PDE1C: variants seen among roughly 807,000 people sequenced by gnomAD.
The protein encoded by PDE1C is dual specificity calcium/calmodulin-dependent 3',5'-cyclic nucleotide phosphodiesterase 1C.
Under a neutral mutation model 93.1 loss-of-function variants are expected in PDE1C, and 62 were observed. That is an observed-to-expected ratio of 0.67 (90% confidence interval 0.54 to 0.82). The LOEUF is 0.82. PDE1C is among the 40% of genes least tolerant of loss of function. The pLI, the probability that PDE1C is intolerant of heterozygous loss-of-function variation, is 0.00. For synonymous variants in PDE1C, 325 were observed against 310.1 expected (o/e 1.05, Z -0.50); for missense variants, 742 against 884.6 (o/e 0.84, Z 2.04).
At chr7:32,255,229 G>A (rs1469130148) in intron 1 of PDE1C, among the ~76,000 whole-genome samples, 1 of 152,136 alleles carries the variant, frequency 6.6e-6, no homozygotes. Context: ...TCTCAGATGG[G>A]AGACACCAAG....
At chr7:31,625,817 GTCTT>G in the PDE1C span, among the ~76,000 whole-genome samples, 18 of 128,796 alleles carry the variant, frequency 1.4e-4, no homozygotes, top group African/African-American at 4.5e-4. Context: ...TCCTTAGAAT[GTCTT>G]TTTTTTTAAA....
chr7:32,012,747 A>G (rs1173979803), intron 2 of PDE1C, among the ~76,000 whole-genome samples: 1 of 152,168 alleles, frequency 6.6e-6, no homozygotes, highest in Admixed American at 6.5e-5. Flanking sequence ...AATATGTGCT[A>G]TTTATTGTAT....
the PDE1C span, among the ~76,000 whole-genome samples, chr7:31,719,540 T>C: frequency 5.9e-5 from 9 of 152,232 alleles, no homozygotes; most frequent in African/African-American, 1.4e-4. Flanking sequence ...TATAATTTAT[T>C]GGTGCAATGT....
chr7:31,823,271 C>G, intron 13 of PDE1C, 23 bp from the exon 14 acceptor site: 1 of 1,594,860 alleles, frequency 6.3e-7, no homozygotes, highest in Non-Finnish European at 8.5e-7. Context: ...AAAATCATAC[C>G]AAAGAAGAGA....
At chr7:31,778,731 A>G (rs1783183314) in intron 16 of PDE1C, among the ~76,000 whole-genome samples, 1 of 152,204 alleles carries the variant, frequency 6.6e-6, no homozygotes, top group Non-Finnish European at 1.5e-5. Flanking sequence ...CTGGTGCCAT[A>G]TTACGTAGGC....
At position 31,971,657 on chromosome 7, in the gene PDE1C, A is replaced by G. The variant is rs78601595; in HGVS notation, c.128+79897T>C. Among the ~76,000 whole-genome samples, 377 of 152,330 alleles carry G rather than the reference A, an allele frequency of 2.5e-3. 7 individuals are homozygous for G. Among genetic ancestry groups the G allele is most frequent in the East Asian group, 0.021 (109 of 5,170 alleles). ...GGCTTCCTCCTAAAGAGGCATTGCC[A>G]GAGCTTCCTCATAGGCAGGCTTCTG... On this transcript the variant is annotated intron_variant, in intron 2 of 17. Coordinates refer to ENST00000396191, the MANE Select transcript of PDE1C (RefSeq NM_001191057.4).
the PDE1C span, among the ~76,000 whole-genome samples, chr7:31,654,642 A>G: frequency 2.0e-5 from 3 of 152,060 alleles, no homozygotes; most frequent in Non-Finnish European, 4.4e-5. Flanking sequence ...TGAGGCTCCC[A>G]CCCCAGTGGA....
intron 1 of PDE1C, among the ~76,000 whole-genome samples, chr7:32,210,721 T>C (rs1299473309): frequency 6.6e-6 from 1 of 152,210 alleles, no homozygotes; most frequent in Non-Finnish European, 1.5e-5. Flanking sequence ...GGGCAATTTG[T>C]CTATTACTAA....
chr7:31,793,445 C>T lies in PDE1C; in HGVS notation c.1891+15586G>A, dbSNP rs1002317924. 5.9e-5 allele frequency among the ~76,000 whole-genome samples: 9 copies of T among 151,962 alleles called. 1 individual carries two copies. The highest frequency in any genetic ancestry group is 5.3e-4 in the Admixed American group (8 of 15,220). The stretch of plus-strand genomic sequence containing the variant: ...AACTCAAAGAAGTAAGTTGACTTGG[C>T]TGAAGAGAGAGATGGGGTTCAAAAC... On this transcript the variant is annotated intron_variant, in intron 16 of 17. Transcript: ENST00000396191.
chr7:31,679,524 A>C, the PDE1C span, among the ~76,000 whole-genome samples: 3 of 152,230 alleles, frequency 2.0e-5, no homozygotes, highest in African/African-American at 7.2e-5. Flanking sequence ...TTATGTTCAT[A>C]GAGAGTTAAT....
At chr7:32,212,499 C>T (rs974011085) in intron 1 of PDE1C, among the ~76,000 whole-genome samples, 8 of 152,182 alleles carry the variant, frequency 5.3e-5, no homozygotes, top group Non-Finnish European at 8.8e-5. Context: ...GAGGGTCTCC[C>T]GTGATGCTGT....
chr7:32,253,620 C>T (rs1809553536), intron 1 of PDE1C, among the ~76,000 whole-genome samples: 1 of 152,154 alleles, frequency 6.6e-6, no homozygotes, highest in African/African-American at 2.4e-5. Context: ...AGAGAGGATT[C>T]AGGGAAAGCC....
At chr7:32,200,240 G>A (rs1288738819) in intron 2 of PDE1C, among the ~76,000 whole-genome samples, 2 of 152,142 alleles carry the variant, frequency 1.3e-5, no homozygotes, top group African/African-American at 4.8e-5. Flanking sequence ...AATTTTGACT[G>A]TGAGCTCATA....
At chr7:31,699,879 C>T in the PDE1C span, among the ~76,000 whole-genome samples, 1 of 151,816 alleles carries the variant, frequency 6.6e-6, no homozygotes, top group African/African-American at 2.4e-5. Context: ...TGCCACAGAC[C>T]TCGCCCATAT....
At chr7:32,030,432 G>T (rs996677054) in intron 2 of PDE1C, among the ~76,000 whole-genome samples, 17 of 152,124 alleles carry the variant, frequency 1.1e-4, no homozygotes, top group African/African-American at 4.1e-4. Context: ...ATATATCCTT[G>T]AATACAGAGA....
chr7:31,641,916 T>G, the PDE1C span, among the ~76,000 whole-genome samples: 6 of 152,238 alleles, frequency 3.9e-5, no homozygotes, highest in Admixed American at 3.9e-4. Flanking sequence ...ATATTGTTAT[T>G]TGGTTTTGAG....
rs1563352780 is a variant in PDE1C, at chr7:32,147,300, G to GAAAGAAAGAAAGAAA, written c.308+22470_308+22484dup. On this transcript the variant is annotated intron_variant, in intron 3 of 18. Coordinates refer to the PDE1C transcript ENST00000396193. ...AGAAAGAAAGAAAGAAAGAAAGAAA[G>GAAAGAAAGAAAGAAA]AAAGAAAGAAAGAAAGAAAGAAAGA... Among the ~76,000 whole-genome samples the GAAAGAAAGAAAGAAA allele has an allele frequency of 1.9e-3, 267 of 137,786 alleles. 2 individuals are homozygous for GAAAGAAAGAAAGAAA. The highest frequency in any genetic ancestry group is 4.2e-3 in the African/African-American group (150 of 35,366). The allele number at this position is 137,786 out of a possible 152,430, so 90.4% of individuals were successfully genotyped here. A position where few individuals can be genotyped will look rare whatever the true frequency, so the allele number is the denominator to read the frequency against.
At chr7:32,399,529 T>C (rs1784903127) in intron 1 of PDE1C, among the ~76,000 whole-genome samples, 1 of 151,716 alleles carries the variant, frequency 6.6e-6, no homozygotes, top group Admixed American at 6.6e-5. Context: ...ATCCTCGTCT[T>C]ATAAGGCCAC....
chr7:32,360,196 A>G (rs902017733), intron 1 of PDE1C, among the ~76,000 whole-genome samples: 13 of 152,194 alleles, frequency 8.5e-5, no homozygotes, highest in African/African-American at 3.1e-4. Context: ...CTGGAATGAA[A>G]AGAAACAATG....
Sources: gnomAD v4.1 joint callset for allele counts (sites outside exome capture counted in the v4.1 genomes callset) on GRCh38, gnomAD v4.1.1 for gene constraint, MANE v1.5 for transcripts, NCBI Gene and HGNC (gene_info 2026-07-23, HGNC 2026-07-21) for gene names.